Variants in IPO13 observed in about 807,000 individuals in gnomAD.
IPO13 encodes importin-13.
In IPO13, 28 loss-of-function variants were observed where a neutral mutation model predicts 115.5. The observed-to-expected ratio is 0.24, with a 90% CI of 0.18 to 0.33. The LOEUF is 0.33. Among genes scored for constraint, IPO13 ranks in the 10% least tolerant of loss-of-function variants. IPO13 has a pLI of 1.00. For missense variants in IPO13, 785 were observed against 1,204.6 expected (o/e 0.65, Z 5.16); for synonymous variants, 414 against 478.9 (o/e 0.86, Z 1.77).
In IPO13 at chr1:43,956,872, C is replaced by T; in HGVS notation, c.1167C>T (p.Val389=). ...QAVYQQVYRP[V]YFQLVDVLLH... ...TATACCAGCAGGTGTACCGGCCAGT[C>T]TACTTCCAGCTGGTGGATGTGCTTC... is the stretch of plus-strand genomic sequence containing the variant. Residue 389 remains valine, a synonymous_variant, in exon 5 of 20, where the codon GTC becomes GTT. Transcript: ENST00000372343. The surrounding 1 kb of genome is among the most constrained non-coding windows in gnomAD (Gnocchi z 4.7). The T allele has an allele frequency of 1.2e-6, 2 of 1,614,214 alleles. No homozygotes were observed. The highest frequency in any genetic ancestry group is 1.7e-5 in the Admixed American group (1 of 60,026).
rs895125367 is a variant in IPO13, at chr1:43,952,670, TAC to T, written c.821+2529_821+2530del. Among the ~76,000 whole-genome samples, 5 of 151,934 alleles carry T rather than the reference TAC, an allele frequency of 3.3e-5. No homozygotes were observed. Among genetic ancestry groups the T allele is most frequent in the Admixed American group, 6.6e-5 (1 of 15,248 alleles). ...CATACATATATTTATATGTATATGA[TAC>T]ACACACACACATAGATAATGTGCTT... On this transcript the variant is annotated intron_variant, in intron 2 of 19. Coordinates refer to ENST00000372343, the MANE Select transcript of IPO13 (RefSeq NM_014652.4). The surrounding 1 kb of genome is among the most constrained non-coding windows in gnomAD (Gnocchi z 4.7).
rs1226732852 is a variant in IPO13, at chr1:43,967,655, T to C, written c.2865T>C (p.His955=). The change falls in exon 20 of 20, where the codon CAT becomes CAC. Residue 955 remains histidine, a synonymous_variant. Coordinates refer to ENST00000372343, the MANE Select transcript of IPO13 (RefSeq NM_014652.4). This position sits in a 1 kb window ranked among gnomAD's most constrained non-coding sequence, Gnocchi z 6.1. ...TCACACTGCTGTGCCGGGGTCTCCA[T>C]GGCACAGATTACACAGCTGACTACT... ...KEFTLLCRGL[H]GTDYTADY The C allele has an allele frequency of 1.9e-6, 3 of 1,614,134 alleles. No homozygotes were observed. Among genetic ancestry groups the C allele is most frequent in the Non-Finnish European group, 2.5e-6 (3 of 1,179,942 alleles).
In IPO13 at chr1:43,967,696, C is replaced by G. The variant is rs1226379820; in HGVS notation, c.*14C>G. On this transcript the variant is annotated 3_prime_UTR_variant, in exon 20 of 20. Coordinates refer to ENST00000372343, the MANE Select transcript of IPO13 (RefSeq NM_014652.4). The surrounding 1 kb of genome is among the most constrained non-coding windows in gnomAD (Gnocchi z 6.1). ...GCTGACTACTGAGGGGTGCCCCCAT[C>G]CCATCCACCCCTTCTCTTCATCCTT... 1 of 1,606,038 alleles carries G rather than the reference C, an allele frequency of 6.2e-7. No individual in the cohort carries two copies. Among genetic ancestry groups the G allele is most frequent in the Non-Finnish European group, 8.5e-7 (1 of 1,172,726 alleles).
rs1443920079 is a variant in IPO13 at position 43,966,809 on chromosome 1, A to C, written c.2523+27A>C. The stretch of plus-strand genomic sequence containing the variant: ...TGAGTCCCATGCTGAACCCTGACCC[A>C]CTGCCACCCCAGTGCCCTCCCCTGC... On this transcript the variant is annotated intron_variant, in intron 17 of 19. Transcript: ENST00000372343. This position sits in a 1 kb window ranked among gnomAD's most constrained non-coding sequence, Gnocchi z 4.1. The C allele has an allele frequency of 6.2e-7, 1 of 1,613,244 alleles. No homozygotes were observed. Among genetic ancestry groups the C allele is most frequent in the Non-Finnish European group, 8.5e-7 (1 of 1,179,616 alleles).
In IPO13 at chr1:43,966,539, G is replaced by A. The variant is rs780127558; in HGVS notation, c.2398-36G>A. The A allele has an allele frequency of 6.2e-7, 1 of 1,610,248 alleles. No individual in the cohort carries two copies. The highest frequency in any genetic ancestry group is 8.5e-7 in the Non-Finnish European group (1 of 1,176,674). On this transcript the variant is annotated intron_variant, in intron 15 of 19. Coordinates refer to ENST00000372343, the MANE Select transcript of IPO13 (RefSeq NM_014652.4). The surrounding 1 kb of genome is among the most constrained non-coding windows in gnomAD (Gnocchi z 4.1). ...AGTGGGGGGGATGGTCCTTGGAGCT[G>A]GCTGGGGCTGGGCTTACCAGCTCCA... is the stretch of plus-strand genomic sequence containing the variant.
rs942922720 is a variant in IPO13, at chr1:43,952,315, G to A, written c.821+2162G>A. Reference sequence around the variant, plus strand: ...CTCCAGAATAGCTGGGATTACAGGCGTGCATCACCACGCCCAGCTAATTTT... The same window carrying A: ...CTCCAGAATAGCTGGGATTACAGGCATGCATCACCACGCCCAGCTAATTTT... On this transcript the variant is annotated intron_variant, in intron 2 of 19. Transcript: ENST00000372343. The surrounding 1 kb of genome is among the most constrained non-coding windows in gnomAD (Gnocchi z 4.7). Among the ~76,000 whole-genome samples, 6 of 152,022 alleles carry A rather than the reference G, an allele frequency of 3.9e-5. No homozygotes were observed. The highest frequency in any genetic ancestry group is 1.2e-4 in the African/African-American group (5 of 41,376).
rs1258563785 is a variant in IPO13, at chr1:43,958,715, G to T, written c.1885-31G>T. The stretch of plus-strand genomic sequence containing the variant: ...TCTGGGGACCAAACTGGGGCTGGGA[G>T]ATCTGGAGCTTGGTTTGCTTCTCCC... On this transcript the variant is annotated intron_variant, in intron 10 of 19. Transcript: ENST00000372343. The surrounding 1 kb of genome is among the most constrained non-coding windows in gnomAD (Gnocchi z 6.3). The T allele has an allele frequency of 6.2e-7, 1 of 1,613,854 alleles. No homozygotes were observed. The highest frequency in any genetic ancestry group is 1.3e-5 in the African/African-American group (1 of 75,034).
Position 43,946,990 on chromosome 1 carries a change from G to C in IPO13, c.-611G>C. The C allele has an allele frequency of 2.5e-6, 1 of 398,730 alleles. No homozygotes were observed. Among genetic ancestry groups the C allele is most frequent in the Non-Finnish European group, 4.4e-6 (1 of 226,164 alleles). 24.7% of individuals were successfully genotyped at this position (398,730 alleles called of 1,614,324 possible). A position where few individuals can be genotyped will look rare whatever the true frequency, so the allele number is the denominator to read the frequency against. Reference sequence around the variant, plus strand: ...CACTGGGGCGGAGGCAGCGGCTGTAGCGGGGCTGTAGCCGGGCGTTGAGCA... The same window carrying C: ...CACTGGGGCGGAGGCAGCGGCTGTACCGGGGCTGTAGCCGGGCGTTGAGCA... On this transcript the variant is annotated 5_prime_UTR_variant, in exon 1 of 20. Transcript: ENST00000372343.
intron 2 of IPO13, among the ~76,000 whole-genome samples, chr1:43,954,393 G>C (rs1056845020): frequency 6.6e-6 from 1 of 152,204 alleles, no homozygotes; most frequent in African/African-American, 2.4e-5. Flanking sequence ...TCCCTAGGCT[G>C]GTTGCCTCTT....
In IPO13 at chr1:43,958,793, C is replaced by G. The variant is rs1403946059; in HGVS notation, c.1932C>G (p.Leu644=). 3.1e-6 allele frequency: 5 copies of G among 1,614,170 alleles called. No individual in the cohort carries two copies. Among genetic ancestry groups the G allele is most frequent in the Admixed American group, 1.7e-5 (1 of 60,034 alleles). The change falls in exon 11 of 20, where the codon CTC becomes CTG. Residue 644 remains leucine, a synonymous_variant. Coordinates refer to ENST00000372343, the MANE Select transcript of IPO13 (RefSeq NM_014652.4). The surrounding 1 kb of genome is among the most constrained non-coding windows in gnomAD (Gnocchi z 6.3). ...KLAIVHILGL[L]SNLFTTLDIS... ...CCATTGTTCACATCTTGGGGCTTCTCTCCAACCTCTTCACCACACTGGACA... is the reference window on the plus strand; with the variant it reads ...CCATTGTTCACATCTTGGGGCTTCTGTCCAACCTCTTCACCACACTGGACA...
rs1375729459 is a variant in IPO13, at chr1:43,952,097, G to A, written c.821+1944G>A. ...ATTTGTACCTTTGGGTTATTGATAC[G>A]TTACATGTTTTAAAATGGGAACTGT... On this transcript the variant is annotated intron_variant, in intron 2 of 19. Transcript: ENST00000372343. The surrounding 1 kb of genome is among the most constrained non-coding windows in gnomAD (Gnocchi z 4.7). Among the ~76,000 whole-genome samples, 4 of 152,138 alleles carry A rather than the reference G, an allele frequency of 2.6e-5. No individual in the cohort carries two copies. Among genetic ancestry groups the A allele is most frequent in the Non-Finnish European group, 5.9e-5 (4 of 68,028 alleles).
chr1:43,965,196 G>A (rs2085314108), intron 15 of IPO13, among the ~76,000 whole-genome samples: 1 of 152,094 alleles, frequency 6.6e-6, no homozygotes, highest in South Asian at 2.1e-4. Flanking sequence ...GTTGGGCTGT[G>A]GGGGTATGAA....
At chr1:43,961,350 C>A in intron 14 of IPO13, 88 bp downstream of exon 14, 1 of 1,034,422 alleles carries the variant, frequency 9.7e-7, no homozygotes, top group Non-Finnish European at 1.5e-6. Context: ...CCACTCTGTT[C>A]TTCTCTGTCC....
In IPO13 at chr1:43,966,518, G is replaced by C. The variant is rs780886011; in HGVS notation, c.2398-57G>C. The stretch of plus-strand genomic sequence containing the variant: ...TGGGGGCTGGGGTGGCAGGTGAGTG[G>C]GGGGGATGGTCCTTGGAGCTGGCTG... On this transcript the variant is annotated intron_variant, in intron 15 of 19. Transcript: ENST00000372343. This position sits in a 1 kb window ranked among gnomAD's most constrained non-coding sequence, Gnocchi z 4.1. The C allele has an allele frequency of 9.6e-6, 15 of 1,560,888 alleles. No homozygotes were observed. The highest frequency in any genetic ancestry group is 1.3e-5 in the Non-Finnish European group (15 of 1,132,618).
intron 15 of IPO13, among the ~76,000 whole-genome samples, chr1:43,965,250 G>A (rs538266325): frequency 2.0e-5 from 3 of 152,212 alleles, no homozygotes; most frequent in Non-Finnish European, 4.4e-5. Context: ...ATCCTAGCAC[G>A]CAGACCCCCT....
chr1:43,955,794 C>T (rs1373428173), intron 2 of IPO13, among the ~76,000 whole-genome samples: 1 of 152,032 alleles, frequency 6.6e-6, no homozygotes, highest in Non-Finnish European at 1.5e-5. Flanking sequence ...TAATTTGACC[C>T]ATGACAGTCT....
chr1:43,948,295 A>G (rs553555034), intron 1 of IPO13, among the ~76,000 whole-genome samples: 2 of 152,216 alleles, frequency 1.3e-5, no homozygotes, highest in African/African-American at 2.4e-5. Context: ...GCTCCCTGCC[A>G]TGGCCCTCCC....
At position 43,958,644 on chromosome 1, in the gene IPO13, A is replaced by T. The variant is rs1243615019; in HGVS notation, c.1884+49A>T. 4.3e-6 allele frequency: 7 copies of T among 1,612,850 alleles called. No homozygotes were observed. The highest frequency in any genetic ancestry group is 5.9e-6 in the Non-Finnish European group (7 of 1,179,200). ...GAGCGGTACTGAGATGCTGTGGCTG[A>T]TGAGGGGTGAGGTTGGAGCTGGCCC... On this transcript the variant is annotated intron_variant, in intron 10 of 19. Coordinates refer to ENST00000372343, the MANE Select transcript of IPO13 (RefSeq NM_014652.4). The surrounding 1 kb of genome is among the most constrained non-coding windows in gnomAD (Gnocchi z 6.3).
chr1:43,948,061 T>C (rs1430682716), intron 1 of IPO13, among the ~76,000 whole-genome samples: 1 of 152,246 alleles, frequency 6.6e-6, no homozygotes, highest in Admixed American at 6.5e-5. Context: ...CAAACCATCC[T>C]GGACCTGGTT....
Sources: gnomAD v4.1 joint callset for allele counts (sites outside exome capture counted in the v4.1 genomes callset) on GRCh38, gnomAD v4.1.1 for gene constraint, Gnocchi (gnomAD v3.1) non-coding constraint, MANE v1.5 for transcripts, NCBI Gene and HGNC (gene_info 2026-07-23, HGNC 2026-07-21) for gene names.